Variants in CDH20 observed in about 807,000 individuals in gnomAD.
CDH20 encodes the protein cadherin 20.
Under a neutral mutation model 74.2 loss-of-function variants are expected in CDH20, and 29 were observed. The ratio of observed to expected loss-of-function variants is 0.39; its 90% confidence interval spans 0.29 to 0.53. CDH20 has a LOEUF of 0.53. CDH20 is among the 20% of genes least tolerant of loss of function. The pLI is 0.69. For synonymous variants in CDH20, 469 were observed against 405.4 expected (o/e 1.16, Z -1.88); for missense variants, 988 against 1,048.3 (o/e 0.94, Z 0.79).
rs1912483601 is a variant in CDH20, at chr18:61,411,124, G to A, written c.-153+77297G>A. ...CTGAGGCAGGAGAATGGCGTGAACCGGAAGGCAGAGCTTGCAGTGAGCCGA... is the reference window on the plus strand; with the variant it reads ...CTGAGGCAGGAGAATGGCGTGAACCAGAAGGCAGAGCTTGCAGTGAGCCGA... On this transcript the variant is annotated intron_variant, in intron 1 of 11. Coordinates refer to ENST00000262717, the MANE Select transcript of CDH20 (RefSeq NM_031891.4). 3.3e-5 allele frequency among the ~76,000 whole-genome samples: 5 copies of A among 151,792 alleles called. No individual in the cohort carries two copies. The South Asian group carries it at 1.0e-3, about 32-fold the overall frequency.
intron 1 of CDH20, among the ~76,000 whole-genome samples, chr18:61,441,303 T>C (rs1909024927): frequency 1.3e-5 from 2 of 152,318 alleles, no homozygotes; most frequent in Non-Finnish European, 2.9e-5. Flanking sequence ...GTGGTGGTAT[T>C]CTAATTATTA....
intron 1 of CDH20, among the ~76,000 whole-genome samples, chr18:61,376,850 G>A (rs960879270): frequency 6.6e-6 from 1 of 152,102 alleles, no homozygotes; most frequent in African/African-American, 2.4e-5. Flanking sequence ...GCTAGGAATA[G>A]GTGCGTATGC....
Position 61,555,231 on chromosome 18 carries a change from T to A in CDH20, c.*536T>A. 1.0e-6 allele frequency: 1 copy of A among 956,668 alleles called. No homozygotes were observed. The highest frequency in any genetic ancestry group is 1.2e-6 in the Non-Finnish European group (1 of 824,886). The allele number at this position is 956,668 out of a possible 1,614,324, so 59.3% of individuals were successfully genotyped here. A position where few individuals can be genotyped will look rare whatever the true frequency, so the allele number is the denominator to read the frequency against. ...GTTCTGGGATGGATGGAATTTCCCG[T>A]AACCCTTTTGAGACAAGGTTAAGAC... On this transcript the variant is annotated 3_prime_UTR_variant, in exon 12 of 12. Transcript: ENST00000262717.
chr18:61,538,425 A>G (rs1912882292), intron 8 of CDH20, among the ~76,000 whole-genome samples: 1 of 151,904 alleles, frequency 6.6e-6, no homozygotes, highest in Non-Finnish European at 1.5e-5. Flanking sequence ...TACTGCTGAT[A>G]GCAAAGGTTC....
chr18:61,539,230 CA>C (rs1555684411), intron 9 of CDH20, 85 bp downstream of exon 9: 1 of 1,365,306 alleles, frequency 7.3e-7, no homozygotes, highest in Non-Finnish European at 1.0e-6. Context: ...CCATCAAAGC[CA>C]TTTTGACTCC....
rs1289058648 is a variant in CDH20 at position 61,333,677 on chromosome 18, G to T, written c.-303G>T. On this transcript the variant is annotated 5_prime_UTR_variant, in exon 1 of 12. Transcript: ENST00000262717. ...GTGACACTTCTGACAGAGGGGGTAGGGGGGTGGGGGGCGGGGACAGCGCCG... is the reference window on the plus strand; with the variant it reads ...GTGACACTTCTGACAGAGGGGGTAGTGGGGTGGGGGGCGGGGACAGCGCCG... 1 of 150,892 alleles carries T rather than the reference G, an allele frequency of 6.6e-6. No homozygotes were observed. The highest frequency in any genetic ancestry group is 2.4e-5 in the African/African-American group (1 of 41,188). 9.3% of individuals were successfully genotyped at this position (150,892 alleles called of 1,614,324 possible). A position where few individuals can be genotyped will look rare whatever the true frequency, so the allele number is the denominator to read the frequency against.
At chr18:61,472,366 G>A (rs377323922) in intron 1 of CDH20, among the ~76,000 whole-genome samples, 14 of 151,904 alleles carry the variant, frequency 9.2e-5, no homozygotes, top group African/African-American at 3.4e-4. Context: ...AAAGTTACTG[G>A]GCTGATGTCC....
intron 1 of CDH20, among the ~76,000 whole-genome samples, chr18:61,412,270 A>G (rs1912537799): frequency 6.6e-6 from 1 of 152,224 alleles, no homozygotes; most frequent in South Asian, 2.1e-4. Flanking sequence ...CCAGTTTTAA[A>G]AAGTATTATG....
intron 1 of CDH20, among the ~76,000 whole-genome samples, chr18:61,416,748 A>G (rs1316351665): frequency 6.6e-6 from 1 of 152,254 alleles, no homozygotes. Context: ...GCTAGGCCTT[A>G]CAGCCTTTTA....
intron 8 of CDH20, among the ~76,000 whole-genome samples, chr18:61,538,603 TTTTTGTTTTTGTTTTTGTTTTG>T (rs1912902131): frequency 5.2e-5 from 2 of 38,388 alleles, no homozygotes; most frequent in African/African-American, 1.6e-4. Flanking sequence ...TTTGTTTTTG[TTTTTGTTTTTGTTTTTGTTTTG>T]TTTTTTTTTT....
At chr18:61,447,917 G>A (rs893718608) in intron 1 of CDH20, among the ~76,000 whole-genome samples, 12 of 152,170 alleles carry the variant, frequency 7.9e-5, no homozygotes, top group Admixed American at 4.6e-4. Context: ...GTCCTGGGCA[G>A]CCGATTTCTA....
At chr18:61,537,650 T>C (rs991061848) in intron 8 of CDH20, among the ~76,000 whole-genome samples, 3 of 152,202 alleles carry the variant, frequency 2.0e-5, no homozygotes, top group Admixed American at 6.5e-5. Context: ...TATAATGTCA[T>C]ATATCTAATG....
chr18:61,469,403 A>C (rs571278035), intron 1 of CDH20, among the ~76,000 whole-genome samples: 110 of 145,396 alleles, frequency 7.6e-4, no homozygotes, highest in Non-Finnish European at 9.5e-4. Flanking sequence ...ACACACACAC[A>C]CCCCTATATA....
intron 1 of CDH20, among the ~76,000 whole-genome samples, chr18:61,467,461 C>G (rs1326115691): frequency 5.7e-4 from 86 of 152,124 alleles, no homozygotes; most frequent in Non-Finnish European, 1.5e-5. Flanking sequence ...CCATTTCTCA[C>G]TATCCATCAA....
At chr18:61,358,356 G>T (rs992498041) in intron 1 of CDH20, among the ~76,000 whole-genome samples, 1 of 151,858 alleles carries the variant, frequency 6.6e-6, no homozygotes, top group Admixed American at 6.6e-5. Context: ...TCCTGACCTC[G>T]TGATCCTCCC....
chr18:61,343,213 A>G (rs111892069), intron 1 of CDH20, among the ~76,000 whole-genome samples: 2 of 152,312 alleles, frequency 1.3e-5, no homozygotes, highest in African/African-American at 4.8e-5. Flanking sequence ...CAGGTTCCCA[A>G]TGCTCTGCTC....
At chr18:61,341,847 C>G (rs1344779388) in intron 1 of CDH20, among the ~76,000 whole-genome samples, 1 of 152,216 alleles carries the variant, frequency 6.6e-6, no homozygotes, top group South Asian at 2.1e-4. Context: ...GGTACATCTT[C>G]ATTAACATCA....
intron 1 of CDH20, among the ~76,000 whole-genome samples, chr18:61,425,083 C>T: frequency 6.6e-6 from 1 of 150,584 alleles, no homozygotes; most frequent in East Asian, 2.0e-4. Context: ...CTCTCACTCA[C>T]TCCGGCTCTA....
At chr18:61,515,164 T>G (rs1173003701) in intron 6 of CDH20, among the ~76,000 whole-genome samples, 1 of 152,100 alleles carries the variant, frequency 6.6e-6, no homozygotes, top group Non-Finnish European at 1.5e-5. Context: ...TCCGTGGGCC[T>G]AGGACCCTCG....
Sources: allele counts gnomAD v4.1 joint callset (sites outside exome capture counted in the v4.1 genomes callset), GRCh38; gene constraint gnomAD v4.1.1; transcripts MANE v1.5; gene names NCBI Gene and HGNC (gene_info 2026-07-23, HGNC 2026-07-21).